Variants in TRIO observed in about 807,000 individuals in gnomAD.
TRIO encodes the protein triple functional domain protein.
In TRIO, 58 loss-of-function variants were observed where a neutral mutation model predicts 351.9. The ratio of observed to expected loss-of-function variants is 0.16; its 90% CI spans 0.13 to 0.21. The LOEUF (loss-of-function observed/expected upper bound fraction) is 0.21, where lower values mean the gene tolerates loss of function less well. Ranked by LOEUF, TRIO falls within the 10% of genes least tolerant of loss-of-function variation. The pLI, the probability that TRIO is intolerant of heterozygous loss-of-function variation, is 1.00. For missense variants in TRIO, 3,201 were observed against 4,027.8 expected (o/e 0.79, Z 5.56); for synonymous variants, 1,758 against 1,595.7 (o/e 1.10, Z -2.42).
At position 14,363,432 on chromosome 5, in the gene TRIO, A is replaced by G. The variant is rs542128787; in HGVS notation, c.2392-300A>G. On this transcript the variant is annotated intron_variant, in intron 13 of 56. Coordinates refer to ENST00000344204, the MANE Select transcript of TRIO (RefSeq NM_007118.4). ...TTTGTATATACGGTATATTTTACAC[A>G]GTTTTGGTAATTTTTCTCTTTGGAT... is the stretch of plus-strand genomic sequence containing the variant. Among the ~76,000 whole-genome samples, 31 of 152,250 alleles carry G rather than the reference A, an allele frequency of 2.0e-4. 2 individuals carry two copies. In the South Asian group the frequency reaches 6.4e-3, roughly 32 times the overall value.
rs761497940 is a variant in TRIO, at chr5:14,471,332, C to T, written c.5778C>T (p.Arg1926=). The T allele has an allele frequency of 3.1e-6, 5 of 1,613,766 alleles. No homozygotes were observed. Among genetic ancestry groups the T allele is most frequent in the Non-Finnish European group, 3.4e-6 (4 of 1,179,902 alleles). Residue 1926 remains arginine (R), a synonymous_variant, in exon 38 of 57, where the codon CGC becomes CGT. Transcript: ENST00000344204. The stretch of plus-strand genomic sequence containing the variant: ...ATTTCTTCCAGGCACTGGAGGATCG[C>T]CCCAGCTCACTCCTTGTTGACCAGG... ...LVKSKMALED[R]PSSLLVDQGD... is the part of the protein sequence containing the mutation.
Position 14,487,821 on chromosome 5 carries a change from A to C in TRIO, c.7193A>C (p.Asp2398Ala). 6.8e-7 allele frequency: 1 copy of C among 1,478,526 alleles called. No homozygotes were observed. The highest frequency in any genetic ancestry group is 1.3e-5 in the South Asian group (1 of 78,022). The allele number at this position is 1,478,526 out of a possible 1,614,324, so 91.6% of individuals were successfully genotyped here. ...SAPSRRPPGA[D>A]AEGSEREAEP... ...CCCAGCAGGCGGCCCCCCGGCGCGG[A>C]CGCCGAGGGGTCCGAGCGAGAAGCG... The change falls in exon 48 of 57, where the codon GAC becomes GCC. Residue 2398 changes from aspartate to alanine, a missense_variant. By Grantham distance (126) the Asp-to-Ala change is moderately radical. Transcript: ENST00000344204.
chr5:14,188,827 C>A (rs577410564), intron 1 of TRIO, among the ~76,000 whole-genome samples: 1 of 152,198 alleles, frequency 6.6e-6, no homozygotes, highest in Admixed American at 6.5e-5. Flanking sequence ...TAGTTTCTTG[C>A]CTTTTAGCCT....
intron 1 of TRIO, among the ~76,000 whole-genome samples, chr5:14,166,622 G>C (rs1470825936): frequency 6.6e-6 from 1 of 152,174 alleles, no homozygotes; most frequent in African/African-American, 2.4e-5. Flanking sequence ...CACATAGTCA[G>C]TGCTTAGTAA....
chr5:14,193,647 G>T (rs1413739150), intron 1 of TRIO, among the ~76,000 whole-genome samples: 2 of 152,164 alleles, frequency 1.3e-5, no homozygotes, highest in Non-Finnish European at 2.9e-5. Context: ...GCAGCCATGT[G>T]GTTGGCAAAT....
chr5:14,212,159 A>C (rs1000285065), intron 1 of TRIO, among the ~76,000 whole-genome samples: 13 of 152,096 alleles, frequency 8.5e-5, no homozygotes, highest in Non-Finnish European at 1.8e-4. Flanking sequence ...AAAAAGGCAA[A>C]TTAATGGTTT....
At position 14,377,950 on chromosome 5, in the gene TRIO, A is replaced by G. The variant is rs1579474869; in HGVS notation, c.3332-62A>G. On this transcript the variant is annotated intron_variant, in intron 19 of 56. Coordinates refer to ENST00000344204, the MANE Select transcript of TRIO (RefSeq NM_007118.4). Reference sequence around the variant, plus strand: ...AAAAGTCTAAATAAAAATGAATGGAATTTCGCGGTTGTTTTAATTGATTGC... The same window carrying G: ...AAAAGTCTAAATAAAAATGAATGGAGTTTCGCGGTTGTTTTAATTGATTGC... 21 of 1,255,746 alleles carry G rather than the reference A, an allele frequency of 1.7e-5. No individual in the cohort carries two copies. The East Asian group carries it at 3.8e-4, about 22-fold the overall frequency. The allele number at this position is 1,255,746 out of a possible 1,614,324, so 77.8% of individuals were successfully genotyped here.
rs188651875 is a variant in TRIO, at chr5:14,509,680, G to A, written c.*1258G>A. On this transcript the variant is annotated 3_prime_UTR_variant, in exon 57 of 57. Transcript: ENST00000344204. ...GAGCTTTTGGTAAGAAATAAAAGCC[G>A]ATTAAGCACTGGCCGCCCCGCGGCT... 92 of 326,670 alleles carry A rather than the reference G, an allele frequency of 2.8e-4. No homozygotes were observed. The highest frequency in any genetic ancestry group is 3.3e-4 in the Admixed American group (7 of 21,052). 20.2% of individuals were successfully genotyped at this position (326,670 alleles called of 1,614,324 possible).
At chr5:14,309,898 T>C (rs1738765076) in intron 8 of TRIO, among the ~76,000 whole-genome samples, 1 of 152,350 alleles carries the variant, frequency 6.6e-6, no homozygotes, top group African/African-American at 2.4e-5. Context: ...ATTTTTTTTC[T>C]TTGAACAGGG....
chr5:14,460,030 CT>C, intron 34 of TRIO, among the ~76,000 whole-genome samples: 1 of 152,100 alleles, frequency 6.6e-6, no homozygotes, highest in Non-Finnish European at 1.5e-5. Flanking sequence ...ATTCTCCTGC[CT>C]CAGCCTCCTG....
At chr5:14,263,125 A>G (rs1257702497) in intron 1 of TRIO, among the ~76,000 whole-genome samples, 2 of 152,148 alleles carry the variant, frequency 1.3e-5, no homozygotes, top group East Asian at 1.9e-4. Flanking sequence ...ATCTTCTCCT[A>G]TTCTCATCGC....
At chr5:14,346,644 T>A (rs1174899010) in intron 11 of TRIO, among the ~76,000 whole-genome samples, 1 of 152,246 alleles carries the variant, frequency 6.6e-6, no homozygotes, top group Non-Finnish European at 1.5e-5. Flanking sequence ...CAAGTTATAA[T>A]GTGTTAACTT....
intron 1 of TRIO, among the ~76,000 whole-genome samples, chr5:14,248,629 A>T (rs907551924): frequency 1.3e-5 from 2 of 152,152 alleles, no homozygotes; most frequent in African/African-American, 4.8e-5. Flanking sequence ...CGCCGTCCAC[A>T]CAGGGCCCCC....
intron 18 of TRIO, among the ~76,000 whole-genome samples, chr5:14,372,213 A>AG (rs1027019407): frequency 7.1e-5 from 5 of 70,540 alleles, no homozygotes; most frequent in African/African-American, 2.3e-4. Flanking sequence ...TGAAAGGCGG[A>AG]GGGGGGGCGA....
In TRIO at chr5:14,398,893, C is replaced by T. The variant is rs1045105599; in HGVS notation, c.4437C>T (p.Asn1479=). 2 of 1,612,844 alleles carry T rather than the reference C, an allele frequency of 1.2e-6. No individual in the cohort carries two copies. The highest frequency in any genetic ancestry group is 1.7e-6 in the Non-Finnish European group (2 of 1,179,636). ...TTCATGTTGTAGGGTTTGATGAAAA[C>T]ATTGAGTCTCAGGGAGAACTCATCC... ...HLSMLEGFDE[N]IESQGELILQ... The change falls in exon 30 of 57, where the codon AAC becomes AAT. Residue 1479 remains asparagine, a synonymous_variant. Coordinates refer to ENST00000344204, the MANE Select transcript of TRIO (RefSeq NM_007118.4).
rs772598492 is a variant in TRIO at position 14,297,196 on chromosome 5, C to T, written c.1301C>T (p.Ala434Val). Residue 434 changes from alanine (A) to valine (V), a missense_variant, in exon 7 of 57, where the codon GCG (alanine) becomes GTG (valine). By Grantham distance (64) the Ala-to-Val change is moderately conservative. Transcript: ENST00000344204. Reference sequence around the variant, plus strand: ...CTGGAGCAGGAGTGGAAGGCGTTTGCGGCAGCCCTGGATGAGCGGAGCACC... The same window carrying T: ...CTGGAGCAGGAGTGGAAGGCGTTTGTGGCAGCCCTGGATGAGCGGAGCACC... ...SQLEQEWKAF[A>V]AALDERSTLL... 4 of 1,614,170 alleles carry T rather than the reference C, an allele frequency of 2.5e-6. No homozygotes were observed. Among genetic ancestry groups the T allele is most frequent in the Admixed American group, 1.7e-5 (1 of 60,022 alleles).
At chr5:14,306,638 C>T (rs1310820000) in intron 8 of TRIO, among the ~76,000 whole-genome samples, 1 of 152,234 alleles carries the variant, frequency 6.6e-6, no homozygotes, top group Non-Finnish European at 1.5e-5. Flanking sequence ...CTTGCCAAAC[C>T]AAGATGGGCT....
Position 14,419,926 on chromosome 5 carries a change from G to A in TRIO, c.5108G>A (p.Arg1703His), listed in dbSNP as rs372237041. 11 of 1,614,040 alleles carry A rather than the reference G, an allele frequency of 6.8e-6. No homozygotes were observed. The highest frequency in any genetic ancestry group is 6.7e-5 in the Admixed American group (4 of 60,008). Residue 1703 changes from arginine (R) to histidine (H), a missense_variant, in exon 34 of 57, where the codon CGC becomes CAC. This residue lies in a region of TRIO where 193 missense variants were observed against 218.8 expected (regional missense o/e 0.88). Transcript: ENST00000344204. Reference sequence around the variant, plus strand: ...TGGTGTCTGGTGCGGACAACTGACCGCTCCCCAGCGGCAGAAGGCCTGGTC... The same window carrying A: ...TGGTGTCTGGTGCGGACAACTGACCACTCCCCAGCGGCAGAAGGCCTGGTC... ...PDWCLVRTTD[R>H]SPAAEGLVPC...
chr5:14,150,979 A>G (rs1388554762), intron 1 of TRIO, among the ~76,000 whole-genome samples: 1 of 152,124 alleles, frequency 6.6e-6, no homozygotes, highest in Non-Finnish European at 1.5e-5. Context: ...GACAGTTACC[A>G]TTTTTGCTGC....
Sources: allele counts gnomAD v4.1 joint callset (sites outside exome capture counted in the v4.1 genomes callset), GRCh38; gene constraint gnomAD v4.1.1; regional missense constraint gnomAD v4.1.1; transcripts MANE v1.5; gene names NCBI Gene and HGNC (gene_info 2026-07-23, HGNC 2026-07-21).